IL5: variants seen among roughly 807,000 people sequenced by gnomAD.
IL5 encodes interleukin-5.
In IL5, 12 loss-of-function variants were observed where a neutral mutation model predicts 16.3. That is an observed-to-expected ratio of 0.74 (90% CI 0.47 to 1.20). The LOEUF (loss-of-function observed/expected upper bound fraction) is 1.20. Ranked by LOEUF, IL5 falls within the 50% of genes most tolerant of loss-of-function variation. The probability of loss-of-function intolerance (pLI) is 0.00; values close to 1 mark genes in which losing one functional copy is unlikely to be tolerated. For synonymous variants in IL5, 54 were observed against 56.6 expected (o/e 0.95, Z 0.21); for missense variants, 159 against 153.9 (o/e 1.03, Z -0.17).
chr5:132,542,178 A>G (rs1398692159), intron 2 of IL5, 35 bp from the exon 3 acceptor site: 2 of 1,585,406 alleles, frequency 1.3e-6, no homozygotes, highest in African/African-American at 2.7e-5. Flanking sequence ...GCAAATAATC[A>G]AGACAAGGTA....
chr5:132,555,564 G>A (rs1749965150), intron 1 of IL5, among the ~76,000 whole-genome samples: 1 of 152,228 alleles, frequency 6.6e-6, no homozygotes, highest in Non-Finnish European at 1.5e-5. Flanking sequence ...TGCCCAGGCT[G>A]GAGTGCAGTG....
At chr5:132,544,823 C>G (rs1422591544), upstream of IL5, among the ~76,000 whole-genome samples, 3 of 152,120 alleles carry the variant, frequency 2.0e-5, no homozygotes, top group Non-Finnish European at 2.9e-5. Flanking sequence ...CAAACTGTTG[C>G]CCAGAACAGT....
At chr5:132,547,283 C>A (rs2149825072), upstream of IL5, among the ~76,000 whole-genome samples, 1 of 152,252 alleles carries the variant, frequency 6.6e-6, no homozygotes, top group East Asian at 1.9e-4. Flanking sequence ...TGATCCCAGT[C>A]AATGGTGGCA....
Position 132,543,362 on chromosome 5 carries a change from A to G in IL5, c.117T>C (p.Thr39=). The G allele has an allele frequency of 1.9e-5, 30 of 1,614,244 alleles. No homozygotes were observed. Among genetic ancestry groups the G allele is most frequent in the Non-Finnish European group, 2.4e-5 (28 of 1,180,026 alleles). Residue 39 remains threonine, a synonymous_variant, in exon 1 of 4, where the codon ACT becomes ACC. Coordinates refer to ENST00000231454, the MANE Select transcript of IL5 (RefSeq NM_000879.3). ...CATTGGCTATCAGCAGAGTTCGATGAGTAGAAAGCAGTGCCAAGGTCTCTT... is the reference window on the plus strand; with the variant it reads ...CATTGGCTATCAGCAGAGTTCGATGGGTAGAAAGCAGTGCCAAGGTCTCTT... ...LVKETLALLS[T]HRTLLIANET...
At chr5:132,543,536 G>C, upstream of IL5, 1 of 1,507,294 alleles carries the variant, frequency 6.6e-7, no homozygotes, top group Non-Finnish European at 8.9e-7. Flanking sequence ...ACAAGACTGC[G>C]TCCCCAGTCA....
chr5:132,554,119 G>A (rs1208868608), intron 1 of IL5, among the ~76,000 whole-genome samples: 1 of 151,860 alleles, frequency 6.6e-6, no homozygotes, highest in African/African-American at 2.4e-5. Context: ...TGTAATCCCA[G>A]CACTTTGGGA....
At chr5:132,554,969 T>G (rs549250813) in intron 1 of IL5, among the ~76,000 whole-genome samples, 66 of 152,286 alleles carry the variant, frequency 4.3e-4, no homozygotes, top group African/African-American at 1.6e-3. Flanking sequence ...GTGATGGTTT[T>G]GGGATGAAAC....
At chr5:132,544,714 T>A (rs1749756972), upstream of IL5, among the ~76,000 whole-genome samples, 1 of 152,222 alleles carries the variant, frequency 6.6e-6, no homozygotes, top group South Asian at 2.1e-4. Context: ...TTGTTTTTAA[T>A]AGAGTGCTTC....
chr5:132,542,797 C>T (rs989224275), intron 2 of IL5, among the ~76,000 whole-genome samples: 10 of 152,198 alleles, frequency 6.6e-5, no homozygotes, highest in Middle Eastern at 3.4e-3. Flanking sequence ...CAGAACTGCA[C>T]GGAGACTAGC....
chr5:132,555,466 G>A (rs1015934084), intron 1 of IL5, among the ~76,000 whole-genome samples: 1 of 152,242 alleles, frequency 6.6e-6, no homozygotes, highest in African/African-American at 2.4e-5. Context: ...GAAAGGTGGT[G>A]ACGGTTGTAC....
chr5:132,544,532 G>T (rs1398336367), upstream of IL5, among the ~76,000 whole-genome samples: 1 of 152,202 alleles, frequency 6.6e-6, no homozygotes, highest in Non-Finnish European at 1.5e-5. Context: ...TGTCCCATAA[G>T]GGTGGAGGTG....
At chr5:132,552,958 T>C (rs1021305729) in intron 1 of IL5, among the ~76,000 whole-genome samples, 1 of 152,058 alleles carries the variant, frequency 6.6e-6, no homozygotes, top group African/African-American at 2.4e-5. Context: ...ATGGTCTCAA[T>C]CTCCTGGCCT....
upstream of IL5, chr5:132,543,743 T>A: frequency 3.4e-6 from 1 of 291,966 alleles, no homozygotes; most frequent in Non-Finnish European, 6.3e-6. Flanking sequence ...TTTGGGTTAA[T>A]ACATCATTGC....
chr5:132,541,831 C>A lies in IL5; in HGVS notation c.385G>T (p.Glu129Ter), dbSNP rs758277402. 6.2e-7 allele frequency: 1 copy of A among 1,609,972 alleles called. No homozygotes were observed. Among genetic ancestry groups the A allele is most frequent in the Non-Finnish European group, 8.5e-7 (1 of 1,176,502 alleles). ...TAGTCTCAACTTTCTATTATCCACT[C>A]GGTGTTCATTACACCAAGAAACTCT... is the stretch of plus-strand genomic sequence containing the variant. ...LQEFLGVMNT[E>*]WIIES The change falls in exon 4 of 4, where the codon GAG (glutamate) becomes TAG (stop). Residue 129 changes from glutamate to a stop codon, truncating the protein, a stop_gained. Transcript: ENST00000231454. LOFTEE classifies it high-confidence loss of function.
chr5:132,554,837 T>C (rs1210214512), intron 1 of IL5, among the ~76,000 whole-genome samples: 1 of 152,188 alleles, frequency 6.6e-6, no homozygotes, highest in Non-Finnish European at 1.5e-5. Flanking sequence ...ATGTGTATTG[T>C]AATGAATCTT....
At chr5:132,542,336 G>A (rs1749710979) in intron 2 of IL5, among the ~76,000 whole-genome samples, 193 bp from the exon 3 acceptor site, 1 of 151,918 alleles carries the variant, frequency 6.6e-6, no homozygotes, top group African/African-American at 2.4e-5. Flanking sequence ...TTTGTTTTGT[G>A]GTATTTACAT....
chr5:132,543,080 A>G lies in IL5; in HGVS notation c.177+14T>C, dbSNP rs1749723986. On this transcript the variant is annotated intron_variant, in intron 2 of 3. Coordinates refer to ENST00000231454, the MANE Select transcript of IL5 (RefSeq NM_000879.3). Reference sequence around the variant, plus strand: ...ATTCATGCCATCATTTTACTGAATCATAATTTAACTTACATTTTTATGTAC... The same window carrying G: ...ATTCATGCCATCATTTTACTGAATCGTAATTTAACTTACATTTTTATGTAC... 1.9e-6 allele frequency: 3 copies of G among 1,571,456 alleles called. No individual in the cohort carries two copies. Among genetic ancestry groups the G allele is most frequent in the South Asian group, 1.1e-5 (1 of 89,598 alleles).
chr5:132,543,088 A>C lies in IL5; in HGVS notation c.177+6T>G, dbSNP rs752420524. ...CATCATTTTACTGAATCATAATTTA[A>C]CTTACATTTTTATGTACAGGAACAG... On this transcript the variant is annotated splice_donor_region_variant and intron_variant, in intron 2 of 3. Coordinates refer to ENST00000231454, the MANE Select transcript of IL5 (RefSeq NM_000879.3). 3 of 1,592,260 alleles carry C rather than the reference A, an allele frequency of 1.9e-6. No homozygotes were observed. The highest frequency in any genetic ancestry group is 2.6e-6 in the Non-Finnish European group (3 of 1,161,124).
chr5:132,556,699 C>A, exon 1 of IL5: 2 of 1,251,298 alleles, frequency 1.6e-6, no homozygotes, highest in Non-Finnish European at 1.0e-6. Flanking sequence ...TCCAATCCAC[C>A]CCACCACTAC....
Sources: allele counts gnomAD v4.1 joint callset (sites outside exome capture counted in the v4.1 genomes callset), GRCh38; gene constraint gnomAD v4.1.1; transcripts MANE v1.5; gene names NCBI Gene and HGNC (gene_info 2026-07-23, HGNC 2026-07-21).